PNPLA4: variants seen among roughly 807,000 people sequenced by gnomAD.
PNPLA4 encodes the protein patatin-like phospholipase domain-containing protein 4.
A neutral mutation model predicts 18.3 loss-of-function variants in PNPLA4; 15 were observed. The ratio of observed to expected loss-of-function variants is 0.82; its 90% CI spans 0.55 to 1.26. The LOEUF is 1.26. PNPLA4 is among the 50% of genes most tolerant of loss of function. The probability of loss-of-function intolerance (pLI) is 0.00; values close to 1 mark genes in which losing one functional copy is unlikely to be tolerated. For synonymous variants in PNPLA4, 88 were observed against 85.6 expected, an observed-to-expected ratio of 1.03 and a Z score of -0.16; for missense variants, 229 against 196.8, an observed-to-expected ratio of 1.16 and a Z score of -0.98.
rs1039139086 is a variant in PNPLA4 at position 7,926,006 on chromosome X, G to A, written c.114C>T (p.Ala38=). The A allele has an allele frequency of 8.3e-7, 1 of 1,211,851 alleles. No homozygotes were observed. Among genetic ancestry groups the A allele is most frequent in the Admixed American group, 2.2e-5 (1 of 46,116 alleles). The change falls in exon 2 of 7, where the codon GCC becomes GCT. Residue 38 remains alanine (A), a synonymous_variant. Transcript: ENST00000381042. ...HGKKLVKDVK[A]FAGASAGSLV... ...ACGATCCCGCAGACGCCCCAGCGAA[G>A]GCTTTGACATCCTTCACAAGTTTTT...
intron 5 of PNPLA4, among the ~76,000 whole-genome samples, chrX:7,905,560 A>C (rs1354434291): frequency 1.8e-5 from 2 of 112,460 alleles, no homozygotes; most frequent in Non-Finnish European, 3.8e-5. Context: ...TGCTCAAAAA[A>C]CAAGTGAATA....
intron 5 of PNPLA4, among the ~76,000 whole-genome samples, chrX:7,902,836 C>T (rs1923582646): frequency 8.9e-6 from 1 of 111,780 alleles, no homozygotes; most frequent in African/African-American, 3.3e-5. Flanking sequence ...TCTACAGAAG[C>T]GCACAATGAG....
In PNPLA4 at chrX:7,900,645, A is replaced by T; in HGVS notation, c.*41T>A. The T allele has an allele frequency of 2.1e-6, 2 of 966,499 alleles. No homozygotes were observed. The highest frequency in any genetic ancestry group is 3.1e-5 in the Admixed American group (1 of 32,109). The allele number at this position is 966,499 out of a possible 1,213,427, so 79.7% of individuals were successfully genotyped here. On this transcript the variant is annotated 3_prime_UTR_variant, in exon 7 of 7. Coordinates refer to ENST00000381042, the MANE Select transcript of PNPLA4 (RefSeq NM_004650.3). Reference sequence around the variant, plus strand: ...ATTTGATTAGAAACTTCCATCAAAAACTATCTAAAACGTGTTTTGCATTAT... The same window carrying T: ...ATTTGATTAGAAACTTCCATCAAAATCTATCTAAAACGTGTTTTGCATTAT...
chrX:7,907,841 C>A (rs1182268353), intron 5 of PNPLA4, among the ~76,000 whole-genome samples: 1 of 108,546 alleles, frequency 9.2e-6, no homozygotes, highest in Non-Finnish European at 1.9e-5. Context: ...CCCACCTCGG[C>A]CTCCAAAGTA....
chrX:7,912,775 C>G (rs1315000420), intron 4 of PNPLA4, among the ~76,000 whole-genome samples: 1 of 112,013 alleles, frequency 8.9e-6, no homozygotes, highest in Non-Finnish European at 1.9e-5. Context: ...CACTAGTGTT[C>G]TATTTGAAAA....
At chrX:7,923,558 C>A (rs541615669) in intron 2 of PNPLA4, among the ~76,000 whole-genome samples, 1 of 111,980 alleles carries the variant, frequency 8.9e-6, no homozygotes, top group African/African-American at 3.3e-5. Flanking sequence ...AAATCAGCAA[C>A]GGGAAATGAA....
intron 5 of PNPLA4, among the ~76,000 whole-genome samples, chrX:7,907,894 G>T (rs12848802): frequency 0.02 from 429 of 21,673 alleles, 15 homozygotes; most frequent in East Asian, 0.039. Context: ...GCTAATTTTT[G>T]TTTTTTTTTT....
intron 5 of PNPLA4, among the ~76,000 whole-genome samples, chrX:7,908,614 T>C (rs1402845816): frequency 8.9e-6 from 1 of 111,981 alleles, no homozygotes; most frequent in Admixed American, 9.5e-5. Context: ...AATTGTCCCT[T>C]TCTGGTGTTA....
intron 5 of PNPLA4, among the ~76,000 whole-genome samples, chrX:7,909,558 C>CA (rs1221136275): frequency 1.3e-3 from 100 of 78,976 alleles, no homozygotes; most frequent in African/African-American, 1.3e-3. Flanking sequence ...GACTCCATCT[C>CA]AAAAAAAAAA....
chrX:7,900,674 C>T lies in PNPLA4; in HGVS notation c.*12G>A. 9.0e-7 allele frequency: 1 copy of T among 1,106,547 alleles called. No homozygotes were observed. Among genetic ancestry groups the T allele is most frequent in the Non-Finnish European group, 1.2e-6 (1 of 818,705 alleles). 91.2% of individuals were successfully genotyped at this position (1,106,547 alleles called of 1,213,427 possible). The stretch of plus-strand genomic sequence containing the variant: ...TCTAAAACGTGTTTTGCATTATAAA[C>T]TTTTATGCATTTTATTCAAACCAAT... On this transcript the variant is annotated 3_prime_UTR_variant, in exon 7 of 7. Transcript: ENST00000381042.
At chrX:7,913,428 C>T (rs1923938124) in intron 4 of PNPLA4, among the ~76,000 whole-genome samples, 1 of 112,326 alleles carries the variant, frequency 8.9e-6, no homozygotes, top group African/African-American at 3.2e-5. Context: ...GTTGCAAAGG[C>T]ACAGGCCTGG....
Position 7,900,206 on chromosome X carries a change from TC to T in PNPLA4, c.*479del, listed in dbSNP as rs1923486757. Reference sequence around the variant, plus strand: ...AATGGACTAATACACAAACCTTTGTTCCTCCAGTCCTGATCAAAGGTCTTTA... The same window carrying T: ...AATGGACTAATACACAAACCTTTGTTCTCCAGTCCTGATCAAAGGTCTTTA... On this transcript the variant is annotated 3_prime_UTR_variant, in exon 7 of 7. Coordinates refer to ENST00000381042, the MANE Select transcript of PNPLA4 (RefSeq NM_004650.3). 1.8e-5 allele frequency: 2 copies of T among 113,532 alleles called. No homozygotes were observed. The highest frequency in any genetic ancestry group is 7.2e-4 in the South Asian group (2 of 2,764). The allele number at this position is 113,532 out of a possible 1,213,427, so 9.4% of individuals were successfully genotyped here.
intron 4 of PNPLA4, among the ~76,000 whole-genome samples, chrX:7,913,830 C>T (rs193044525): frequency 3.6e-4 from 41 of 112,556 alleles, no homozygotes; most frequent in African/African-American, 1.2e-3. Context: ...AATTATTTCT[C>T]GACCCTGTCT....
At chrX:7,909,272 G>T (rs1266529362) in intron 5 of PNPLA4, among the ~76,000 whole-genome samples, 2 of 111,732 alleles carry the variant, frequency 1.8e-5, no homozygotes, top group African/African-American at 6.5e-5. Context: ...AATAACAAAA[G>T]TTTTAGGCTG....
chrX:7,908,001 G>C (rs925374633), intron 5 of PNPLA4, among the ~76,000 whole-genome samples: 1 of 109,609 alleles, frequency 9.1e-6, no homozygotes, highest in Non-Finnish European at 1.9e-5. Flanking sequence ...AGAGGGTTTT[G>C]AAAGGACTCA....
chrX:7,923,839 C>A (rs1383104285), intron 2 of PNPLA4, among the ~76,000 whole-genome samples: 1 of 110,925 alleles, frequency 9.0e-6, no homozygotes, highest in African/African-American at 3.3e-5. Context: ...CAGACAGCCC[C>A]TGCCCCGGGG....
At chrX:7,924,924 C>T (rs1462942069) in intron 2 of PNPLA4, among the ~76,000 whole-genome samples, 1 of 112,132 alleles carries the variant, frequency 8.9e-6, no homozygotes, top group Non-Finnish European at 1.9e-5. Flanking sequence ...AAACGAAACA[C>T]AGTTATGGGA....
At position 7,899,140 on chromosome X, in the gene PNPLA4, G is replaced by C. The variant is rs913129846; in HGVS notation, c.*1546C>G. The C allele has an allele frequency of 7.2e-5, 8 of 111,651 alleles. No homozygotes were observed. Among genetic ancestry groups the C allele is most frequent in the African/African-American group, 2.3e-4 (7 of 30,682 alleles). 9.2% of individuals were successfully genotyped at this position (111,651 alleles called of 1,213,427 possible). On this transcript the variant is annotated 3_prime_UTR_variant, in exon 7 of 7. Transcript: ENST00000381042. ...TACCACAGGGACCATCATTACTCTAGAGTGGGTCTATGCATAACTCCTCAA... is the reference window on the plus strand; with the variant it reads ...TACCACAGGGACCATCATTACTCTACAGTGGGTCTATGCATAACTCCTCAA...
chrX:7,912,961 C>A (rs1413209077), intron 4 of PNPLA4, among the ~76,000 whole-genome samples: 1 of 111,542 alleles, frequency 9.0e-6, no homozygotes, highest in Non-Finnish European at 1.9e-5. Context: ...TTATTTAGAA[C>A]TCAGAAGGCA....
Sources: allele counts gnomAD v4.1 joint callset (sites outside exome capture counted in the v4.1 genomes callset), GRCh38; gene constraint gnomAD v4.1.1; transcripts MANE v1.5; gene names NCBI Gene and HGNC (gene_info 2026-07-23, HGNC 2026-07-21).